ADAMTS9: variants seen among roughly 807,000 people sequenced by gnomAD.
The protein encoded by ADAMTS9 is A disintegrin and metalloproteinase with thrombospondin motifs 9.
ADAMTS9 carries 107 observed loss-of-function variants against 257.1 expected under a neutral mutation model. That is an observed-to-expected ratio of 0.42 (90% CI 0.36 to 0.49). ADAMTS9 has a LOEUF of 0.49. ADAMTS9 is among the 20% of genes least tolerant of loss of function. ADAMTS9 has a pLI of 0.03. For synonymous variants in ADAMTS9, 982 were observed against 880.9 expected (o/e 1.11, Z -2.03); for missense variants, 2,353 against 2,469.1 (o/e 0.95, Z 1.00).
chr3:64,540,147 C>G (rs972480426), intron 36 of ADAMTS9, among the ~76,000 whole-genome samples: 1 of 152,218 alleles, frequency 6.6e-6, no homozygotes. Context: ...GCATGTAGAA[C>G]CCTTGGGTCT....
At chr3:64,564,694 C>A (rs2083498075) in intron 29 of ADAMTS9, among the ~76,000 whole-genome samples, 1 of 151,824 alleles carries the variant, frequency 6.6e-6, no homozygotes, top group African/African-American at 2.4e-5. Flanking sequence ...GCTAGTTCCC[C>A]CTTATTCCCC....
chr3:64,546,438 T>C (rs2083200346), intron 32 of ADAMTS9, among the ~76,000 whole-genome samples: 1 of 152,192 alleles, frequency 6.6e-6, no homozygotes. Context: ...ACTCATTTCA[T>C]CTTCACAACT....
At chr3:64,654,246 C>T (rs534833280) in intron 8 of ADAMTS9, 107 bp downstream of exon 8, 25 of 1,107,156 alleles carry the variant, frequency 2.3e-5, no homozygotes, top group Middle Eastern at 3.0e-4. Context: ...TACTATGACT[C>T]GGGAAGTCTC....
intron 29 of ADAMTS9, among the ~76,000 whole-genome samples, chr3:64,563,985 A>G (rs2083476919): frequency 6.6e-6 from 1 of 152,224 alleles, no homozygotes; most frequent in African/African-American, 2.4e-5. Flanking sequence ...CAGGCACCCC[A>G]TGAATAAAAC....
intron 11 of ADAMTS9, among the ~76,000 whole-genome samples, chr3:64,647,018 T>C (rs147303793): frequency 1.7e-4 from 26 of 151,862 alleles, no homozygotes; most frequent in African/African-American, 6.3e-4. Context: ...ACCAATTCTA[T>C]AAGGTAAAGC....
chr3:64,557,454 G>A (rs1209498355), intron 30 of ADAMTS9, among the ~76,000 whole-genome samples: 1 of 152,154 alleles, frequency 6.6e-6, no homozygotes, highest in East Asian at 1.9e-4. Flanking sequence ...CTTCCAAACA[G>A]CCTCATGAGC....
chr3:64,666,017 A>C (rs1235185740), intron 3 of ADAMTS9, among the ~76,000 whole-genome samples: 1 of 152,204 alleles, frequency 6.6e-6, no homozygotes, highest in Non-Finnish European at 1.5e-5. Flanking sequence ...AAACAACAGC[A>C]ATGACAAAAC....
chr3:64,635,733 T>A (rs114295815), intron 12 of ADAMTS9, among the ~76,000 whole-genome samples: 292 of 152,318 alleles, frequency 1.9e-3, no homozygotes, highest in Non-Finnish European at 2.5e-3. Context: ...TGCTACATTA[T>A]CCATATGCTG....
At chr3:64,565,252 G>T (rs2083513361) in intron 29 of ADAMTS9, among the ~76,000 whole-genome samples, 1 of 152,174 alleles carries the variant, frequency 6.6e-6, no homozygotes, top group Admixed American at 6.5e-5. Context: ...TCACAATACA[G>T]CTGCTCTAAT....
chr3:64,541,814 G>T, intron 33 of ADAMTS9, 24 bp downstream of exon 33: 1 of 1,613,670 alleles, frequency 6.2e-7, no homozygotes, highest in Non-Finnish European at 8.5e-7. Flanking sequence ...GCTAAAGAAA[G>T]ATAACTTCAG....
intron 15 of ADAMTS9, 65 bp downstream of exon 15, chr3:64,631,743 T>A: frequency 7.0e-7 from 1 of 1,423,246 alleles, no homozygotes; most frequent in Non-Finnish European, 9.9e-7. Context: ...GCATATTACA[T>A]GTGGTTAACA....
intron 31 of ADAMTS9, among the ~76,000 whole-genome samples, chr3:64,548,217 C>A (rs2083227097): frequency 6.6e-6 from 1 of 152,182 alleles, no homozygotes; most frequent in Non-Finnish European, 1.5e-5. Flanking sequence ...AAAAGGCTCT[C>A]CTTGAAGAAA....
intron 23 of ADAMTS9, among the ~76,000 whole-genome samples, chr3:64,606,140 T>C (rs1385271954): frequency 1.3e-5 from 2 of 152,246 alleles, no homozygotes. Flanking sequence ...CTGAATCAGA[T>C]ACCTTTCAGA....
chr3:64,660,383 T>A (rs1701193365), intron 3 of ADAMTS9, among the ~76,000 whole-genome samples: 1 of 152,208 alleles, frequency 6.6e-6, no homozygotes. Flanking sequence ...GCCTGAGTGT[T>A]TTAGTCATTA....
At chr3:64,679,940 T>C (rs1701712719) in intron 3 of ADAMTS9, among the ~76,000 whole-genome samples, 1 of 152,230 alleles carries the variant, frequency 6.6e-6, no homozygotes, top group African/African-American at 2.4e-5. Context: ...CTACTCCTCA[T>C]ATCCCTTGGC....
At chr3:64,562,346 T>C (rs1307591526) in intron 29 of ADAMTS9, among the ~76,000 whole-genome samples, 3 of 152,210 alleles carry the variant, frequency 2.0e-5, no homozygotes, top group African/African-American at 7.2e-5. Context: ...CAGATGAATA[T>C]ATGAAGAATA....
intron 3 of ADAMTS9, among the ~76,000 whole-genome samples, chr3:64,672,748 G>A (rs1159862781): frequency 6.6e-6 from 1 of 152,170 alleles, no homozygotes; most frequent in African/African-American, 2.4e-5. Context: ...CTAATCTCAG[G>A]TACAAACCTA....
chr3:64,583,420 G>A (rs2084053884), intron 28 of ADAMTS9: 1 of 152,204 alleles, frequency 6.6e-6, no homozygotes, highest in Admixed American at 6.5e-5. Context: ...AGAGCTTTCA[G>A]ATAGCTGCGG....
At chr3:64,583,897 G>T (rs1406945442) in intron 28 of ADAMTS9, 1 of 152,142 alleles carries the variant, frequency 6.6e-6, no homozygotes, top group Non-Finnish European at 1.5e-5. Flanking sequence ...CGTGTACAAC[G>T]TGAAATCAAT....
Sources: allele counts gnomAD v4.1 joint callset (sites outside exome capture counted in the v4.1 genomes callset), GRCh38; gene constraint gnomAD v4.1.1; transcripts MANE v1.5; gene names NCBI Gene and HGNC (gene_info 2026-07-23, HGNC 2026-07-21).